The following WDR64 variants were observed in gnomAD, a reference collection of about 807,000 sequenced individuals.
The protein encoded by WDR64 is WD repeat domain 64, also known as WD repeat-containing protein 64.
Under a neutral mutation model 139.3 loss-of-function variants are expected in WDR64, and 112 were observed. The observed-to-expected ratio is 0.80, with a 90% confidence interval of 0.69 to 0.94. The LOEUF (loss-of-function observed/expected upper bound fraction) is 0.94. WDR64 is among the 40% of genes least tolerant of loss of function. The pLI is 0.00. For synonymous variants in WDR64, 444 were observed against 437.7 expected (o/e 1.01, Z -0.18); for missense variants, 1,206 against 1,293.1 (o/e 0.93, Z 1.03).
chr1:241,774,911 T>C (rs1423091151), intron 20 of WDR64, among the ~76,000 whole-genome samples, 194 bp from the exon 21 acceptor site: 1 of 152,184 alleles, frequency 6.6e-6, no homozygotes, highest in Non-Finnish European at 1.5e-5. Flanking sequence ...ATACCTTTAG[T>C]ATATTTAATT....
intron 27 of WDR64, among the ~76,000 whole-genome samples, chr1:241,798,877 C>T (rs1170013760): frequency 6.6e-6 from 1 of 151,956 alleles, no homozygotes; most frequent in Admixed American, 6.6e-5. Context: ...AAAATATTAA[C>T]CATGGTACAA....
intron 10 of WDR64, among the ~76,000 whole-genome samples, chr1:241,735,515 GTCTC>G (rs1223296107): frequency 1.2e-3 from 156 of 130,572 alleles, no homozygotes; most frequent in East Asian, 1.9e-3. Context: ...TTAGTTCTCT[GTCTC>G]TCTCTCTCTC....
At chr1:241,787,379 T>A (rs112910335) in intron 23 of WDR64, among the ~76,000 whole-genome samples, 71 of 101,924 alleles carry the variant, frequency 7.0e-4, no homozygotes, top group Admixed American at 9.0e-4. Flanking sequence ...AAAAAAAAAA[T>A]GTTGGCCGGA....
chr1:241,780,354 A>G (rs558357107), intron 22 of WDR64, among the ~76,000 whole-genome samples: 10 of 152,306 alleles, frequency 6.6e-5, no homozygotes, highest in African/African-American at 2.4e-4. Context: ...GAAAAAGTTC[A>G]TAGATTATAC....
intron 9 of WDR64, among the ~76,000 whole-genome samples, chr1:241,718,324 G>A (rs973718563): frequency 1.3e-5 from 2 of 152,096 alleles, no homozygotes; most frequent in Non-Finnish European, 2.9e-5. Flanking sequence ...CTCCGTTTAG[G>A]GCAGAGGAAG....
intron 26 of WDR64, among the ~76,000 whole-genome samples, chr1:241,795,644 C>T (rs987592582): frequency 1.3e-5 from 2 of 152,174 alleles, no homozygotes; most frequent in African/African-American, 4.8e-5. Context: ...CATGAAATTA[C>T]TTTCCGTGCC....
intron 1 of WDR64, among the ~76,000 whole-genome samples, chr1:241,653,525 ATTCTT>A (rs200638081): frequency 1.2e-4 from 17 of 143,682 alleles, no homozygotes; most frequent in South Asian, 6.7e-4. Context: ...AGTTACCCAA[ATTCTT>A]TTCTTTTCTT....
At chr1:241,722,557 G>A (rs1668649135) in intron 9 of WDR64, among the ~76,000 whole-genome samples, 2 of 152,086 alleles carry the variant, frequency 1.3e-5, no homozygotes, top group African/African-American at 4.8e-5. Flanking sequence ...AAGAAATTCT[G>A]AAATAGTAAC....
chr1:241,742,037 C>A (rs1181227335), intron 12 of WDR64, among the ~76,000 whole-genome samples: 1 of 151,916 alleles, frequency 6.6e-6, no homozygotes, highest in Non-Finnish European at 1.5e-5. Context: ...TACTGTAACC[C>A]CTGTAGATTC....
In WDR64 at chr1:241,747,051, G is replaced by A. The variant is rs532349209; in HGVS notation, c.1595-2496G>A. Among the ~76,000 whole-genome samples the A allele has an allele frequency of 5.9e-5, 9 of 152,250 alleles. No individual in the cohort carries two copies. The East Asian group carries it at 9.6e-4, about 16-fold the overall frequency. Reference sequence around the variant, plus strand: ...GCTGGGATTACAGGCGTGAGCCACCGCACCCAGCCAATAACATTCTTAAAA... The same window carrying A: ...GCTGGGATTACAGGCGTGAGCCACCACACCCAGCCAATAACATTCTTAAAA... On this transcript the variant is annotated intron_variant, in intron 13 of 27. Coordinates refer to ENST00000437684, the MANE Select transcript of WDR64 (RefSeq NM_001367482.1).
At chr1:241,790,778 A>T (rs1441023906) in intron 25 of WDR64, 82 bp downstream of exon 25, 1 of 998,034 alleles carries the variant, frequency 1.0e-6, no homozygotes, top group Non-Finnish European at 1.5e-6. Context: ...AAATATGTCC[A>T]GTAATATAAC....
intron 20 of WDR64, among the ~76,000 whole-genome samples, 167 bp from the exon 21 acceptor site, chr1:241,774,938 C>G (rs746587214): frequency 6.6e-6 from 1 of 152,046 alleles, no homozygotes; most frequent in Non-Finnish European, 1.5e-5. Context: ...AAATAAGTCC[C>G]TATGGATAGT....
chr1:241,787,220 T>C (rs1157820430), intron 23 of WDR64, among the ~76,000 whole-genome samples: 2 of 146,956 alleles, frequency 1.4e-5, no homozygotes, highest in African/African-American at 2.5e-5. Context: ...AAAAAGTAGC[T>C]GGGCATGGTG....
At position 241,757,279 on chromosome 1, in the gene WDR64, A is replaced by G. The variant is rs1239444552; in HGVS notation, c.1771-4A>G. 1.2e-6 allele frequency: 2 copies of G among 1,607,128 alleles called. No homozygotes were observed. The highest frequency in any genetic ancestry group is 2.2e-5 in the South Asian group (2 of 89,326). ...TTCATGCACTCACTGGATTTCTGTT[A>G]AAGGGTAAGGAAGATGATATCTACC... On this transcript the variant is annotated splice_region_variant and splice_polypyrimidine_tract_variant and intron_variant, in intron 14 of 27. Coordinates refer to ENST00000437684, the MANE Select transcript of WDR64 (RefSeq NM_001367482.1).
intron 14 of WDR64, among the ~76,000 whole-genome samples, chr1:241,752,541 G>A (rs996517734): frequency 1.3e-5 from 2 of 152,086 alleles, no homozygotes; most frequent in Non-Finnish European, 2.9e-5. Context: ...CATTGAAACC[G>A]GTTAAACCTA....
chr1:241,763,645 C>T (rs1447701878), intron 15 of WDR64, among the ~76,000 whole-genome samples: 1 of 152,138 alleles, frequency 6.6e-6, no homozygotes, highest in African/African-American at 2.4e-5. Flanking sequence ...GTGGAGGATG[C>T]AGTGAGCTGA....
At chr1:241,658,141 A>C (rs947487881) in intron 1 of WDR64, among the ~76,000 whole-genome samples, 1 of 152,158 alleles carries the variant, frequency 6.6e-6, no homozygotes, top group Non-Finnish European at 1.5e-5. Context: ...CATAACAGAT[A>C]CTCATATTTT....
chr1:241,777,661 A>C (rs1574090477), intron 21 of WDR64, among the ~76,000 whole-genome samples: 1 of 151,402 alleles, frequency 6.6e-6, no homozygotes, highest in African/African-American at 2.4e-5. Flanking sequence ...CAGGTGATCC[A>C]CCCACCTCAG....
intron 8 of WDR64, among the ~76,000 whole-genome samples, chr1:241,687,988 A>G (rs1667073813): frequency 6.6e-6 from 1 of 152,220 alleles, no homozygotes; most frequent in African/African-American, 2.4e-5. Flanking sequence ...TTTCATGTGT[A>G]ATATACAAGT....
Sources: allele counts gnomAD v4.1 joint callset (sites outside exome capture counted in the v4.1 genomes callset), GRCh38; gene constraint gnomAD v4.1.1; transcripts MANE v1.5; gene names NCBI Gene and HGNC (gene_info 2026-07-23, HGNC 2026-07-21).